GATAD2B: variants seen among roughly 807,000 people sequenced by gnomAD.
GATAD2B encodes transcriptional repressor p66-beta.
GATAD2B carries 8 observed loss-of-function variants against 64.3 expected under a neutral mutation model. The observed-to-expected ratio is 0.12, with a 90% CI of 0.07 to 0.22. The LOEUF (loss-of-function observed/expected upper bound fraction) is 0.22. GATAD2B is among the 10% of genes least tolerant of loss of function. The pLI is 1.00. For synonymous variants in GATAD2B, 281 were observed against 271.3 expected, an observed-to-expected ratio of 1.04 and a Z score of -0.35; for missense variants, 453 against 752.0, an observed-to-expected ratio of 0.60 and a Z score of 4.65.
intron 1 of GATAD2B, among the ~76,000 whole-genome samples, chr1:153,916,237 C>T (rs912247941): frequency 3.4e-5 from 5 of 148,374 alleles, no homozygotes; most frequent in Admixed American, 2.7e-4. Context: ...GCTAAGATTG[C>T]ACCACTGCAC....
At chr1:153,891,525 G>A (rs929054389) in intron 1 of GATAD2B, among the ~76,000 whole-genome samples, 6 of 130,646 alleles carry the variant, frequency 4.6e-5, no homozygotes, top group South Asian at 2.7e-4. Flanking sequence ...AGCTGAGATC[G>A]TGCCACTGCA....
At chr1:153,853,586 C>T (rs1403670536) in intron 1 of GATAD2B, among the ~76,000 whole-genome samples, 1 of 152,150 alleles carries the variant, frequency 6.6e-6, no homozygotes, top group Non-Finnish European at 1.5e-5. Context: ...CCTTTCCATT[C>T]TGCTGTTTGC....
At chr1:153,915,632 G>A (rs1449757792) in intron 1 of GATAD2B, among the ~76,000 whole-genome samples, 1 of 151,658 alleles carries the variant, frequency 6.6e-6, no homozygotes, top group African/African-American at 2.4e-5. Flanking sequence ...CTACTGAGGA[G>A]GCTGAGGTAA....
intron 1 of GATAD2B, among the ~76,000 whole-genome samples, chr1:153,855,457 G>T (rs1369342323): frequency 6.6e-6 from 1 of 152,064 alleles, no homozygotes; most frequent in Non-Finnish European, 1.5e-5. Context: ...TCAAACTCCT[G>T]ACCTCTAGTG....
At chr1:153,880,013 TATC>T (rs1001481647) in intron 1 of GATAD2B, among the ~76,000 whole-genome samples, 2 of 152,102 alleles carry the variant, frequency 1.3e-5, no homozygotes, top group Admixed American at 1.3e-4. Flanking sequence ...ATTTTGATAA[TATC>T]ATACTAAACA....
chr1:153,872,886 C>T (rs1676713783), intron 1 of GATAD2B, among the ~76,000 whole-genome samples: 1 of 151,914 alleles, frequency 6.6e-6, no homozygotes, highest in Non-Finnish European at 1.5e-5. Flanking sequence ...TTTTATCACA[C>T]AAAATATTCA....
intron 1 of GATAD2B, among the ~76,000 whole-genome samples, chr1:153,861,490 T>C (rs1040067780): frequency 1.3e-5 from 2 of 151,326 alleles, no homozygotes; most frequent in South Asian, 2.1e-4. Flanking sequence ...CATTAAGTTA[T>C]ATATTTAAAA....
intron 7 of GATAD2B, among the ~76,000 whole-genome samples, chr1:153,815,280 C>CAAA (rs1159204191): frequency 0.013 from 872 of 66,560 alleles, 84 homozygotes; most frequent in Middle Eastern, 0.048. Context: ...CTCAAAAAAA[C>CAAA]AAAAAAAAAA....
At chr1:153,849,208 G>A (rs908475732) in intron 1 of GATAD2B, among the ~76,000 whole-genome samples, 21 of 152,190 alleles carry the variant, frequency 1.4e-4, no homozygotes, top group African/African-American at 5.1e-4. Context: ...CACAGTTCCA[G>A]AAGTTGGGAA....
rs531278865 is a variant in GATAD2B, at chr1:153,832,570, C to T, written c.-1-4222G>A. Among the ~76,000 whole-genome samples, 6 of 152,316 alleles carry T rather than the reference C, an allele frequency of 3.9e-5. No individual in the cohort carries two copies. The South Asian group carries it at 6.2e-4, about 16-fold the overall frequency. ...AGCCAAGTCCTGATGTAGAAGCTAACGCAAGTTATCCATAAGATCTAGCTG... is the reference window on the plus strand; with the variant it reads ...AGCCAAGTCCTGATGTAGAAGCTAATGCAAGTTATCCATAAGATCTAGCTG... On this transcript the variant is annotated intron_variant, in intron 1 of 10. Coordinates refer to ENST00000368655, the MANE Select transcript of GATAD2B (RefSeq NM_020699.4).
intron 1 of GATAD2B, among the ~76,000 whole-genome samples, chr1:153,916,462 T>C (rs553009419): frequency 5.3e-5 from 8 of 152,178 alleles, no homozygotes; most frequent in Non-Finnish European, 8.8e-5. Context: ...ATTTCTGGTT[T>C]AGATGACTCA....
intron 2 of GATAD2B, among the ~76,000 whole-genome samples, chr1:153,825,020 AG>A (rs752353842): frequency 2.7e-4 from 41 of 152,190 alleles, no homozygotes; most frequent in Non-Finnish European, 4.9e-4. Flanking sequence ...TGGGAGGTGG[AG>A]GTTGCAGTGA....
At chr1:153,860,810 G>T (rs574456888) in intron 1 of GATAD2B, among the ~76,000 whole-genome samples, 12 of 152,182 alleles carry the variant, frequency 7.9e-5, no homozygotes, top group African/African-American at 2.9e-4. Context: ...ACAGGTGCAT[G>T]CTACCACACA....
intron 1 of GATAD2B, among the ~76,000 whole-genome samples, chr1:153,869,918 G>A (rs943877012): frequency 1.3e-5 from 2 of 152,000 alleles, no homozygotes; most frequent in African/African-American, 4.8e-5. Context: ...TTGAGCCCAG[G>A]AGTTCAAGAC....
intron 1 of GATAD2B, among the ~76,000 whole-genome samples, chr1:153,873,543 T>C (rs1454278911): frequency 1.3e-5 from 2 of 152,206 alleles, no homozygotes; most frequent in African/African-American, 4.8e-5. Context: ...CACCATGTGA[T>C]GCCCTGTGCC....
intron 1 of GATAD2B, among the ~76,000 whole-genome samples, chr1:153,831,125 C>T (rs1465053331): frequency 6.6e-6 from 1 of 152,138 alleles, no homozygotes; most frequent in Non-Finnish European, 1.5e-5. Context: ...TTAATTCCCT[C>T]CCTTTTTAAA....
chr1:153,882,536 T>C (rs1677038079), intron 1 of GATAD2B, among the ~76,000 whole-genome samples: 1 of 152,202 alleles, frequency 6.6e-6, no homozygotes, highest in Admixed American at 6.5e-5. Context: ...CACAGCAAAG[T>C]AGTCAAGACA....
chr1:153,805,715 C>G lies in GATAD2B; in HGVS notation c.*4462G>C, dbSNP rs555735879. 6.6e-6 allele frequency: 1 copy of G among 152,158 alleles called. No individual in the cohort carries two copies. Among genetic ancestry groups the G allele is most frequent in the Non-Finnish European group, 1.5e-5 (1 of 68,036 alleles). The allele number at this position is 152,158 out of a possible 1,614,324, so 9.4% of individuals were successfully genotyped here. On this transcript the variant is annotated 3_prime_UTR_variant, in exon 11 of 11. Transcript: ENST00000368655. ...ATTTTAAACTTGGTGGCCAGATGAT[C>G]CCCCTCTTCACTTCACAGATAAGAA...
chr1:153,868,066 T>C (rs1449143206), intron 1 of GATAD2B, among the ~76,000 whole-genome samples: 1 of 151,850 alleles, frequency 6.6e-6, no homozygotes, highest in African/African-American at 2.4e-5. Context: ...CCAGGCGTGG[T>C]GGTGCACACC....
Sources: allele counts gnomAD v4.1 joint callset (sites outside exome capture counted in the v4.1 genomes callset), GRCh38; gene constraint gnomAD v4.1.1; transcripts MANE v1.5; gene names NCBI Gene and HGNC (gene_info 2026-07-23, HGNC 2026-07-21).